FSTL4: variants seen among roughly 807,000 people sequenced by gnomAD.
The protein encoded by FSTL4 is follistatin-related protein 4.
A neutral mutation model predicts 78.2 loss-of-function variants in FSTL4; 28 were observed. The ratio of observed to expected loss-of-function variants is 0.36; its 90% CI spans 0.27 to 0.49. The LOEUF (loss-of-function observed/expected upper bound fraction) is 0.49, where lower values mean the gene tolerates loss of function less well. Among genes scored for constraint, FSTL4 ranks in the 20% least tolerant of loss-of-function variants. The pLI is 0.98. For synonymous variants in FSTL4, 422 were observed against 440.5 expected (o/e 0.96, Z 0.53); for missense variants, 922 against 1,084.9 (o/e 0.85, Z 2.11).
intron 3 of FSTL4, among the ~76,000 whole-genome samples, chr5:133,499,362 A>G (rs966396382): frequency 1.5e-5 from 2 of 131,798 alleles, no homozygotes; most frequent in Admixed American, 8.0e-5. Flanking sequence ...AAGTAACACA[A>G]GGGGAATACA....
At position 133,255,176 on chromosome 5, in the gene FSTL4, C is replaced by T. The variant is rs144247227; in HGVS notation, c.728-5600G>A. Among the ~76,000 whole-genome samples, 5 of 152,308 alleles carry T rather than the reference C, an allele frequency of 3.3e-5. No homozygotes were observed. In the East Asian group the frequency reaches 7.7e-4, roughly 24 times the overall value. ...GTGATCAGGGGTCAGTGAGAGAGGG[C>T]TCAGCCAGACGCTGTGTCTGGGGTG... On this transcript the variant is annotated intron_variant, in intron 6 of 15. Transcript: ENST00000265342.
the FSTL4 span, among the ~76,000 whole-genome samples, chr5:133,809,800 T>C: frequency 3.3e-5 from 5 of 152,246 alleles, no homozygotes; most frequent in East Asian, 7.7e-4. Flanking sequence ...TGACTTCTTC[T>C]TCTGTGTGAG....
chr5:133,205,956 G>C (rs974953827), intron 14 of FSTL4, among the ~76,000 whole-genome samples: 2 of 152,198 alleles, frequency 1.3e-5, no homozygotes, highest in Non-Finnish European at 2.9e-5. Flanking sequence ...CACAAAACAT[G>C]TTTGAGTTTT....
At chr5:133,254,588 CT>C (rs891080832) in intron 6 of FSTL4, among the ~76,000 whole-genome samples, 35 of 152,360 alleles carry the variant, frequency 2.3e-4, no homozygotes, top group East Asian at 1.3e-3. Context: ...TCCCTTCCCC[CT>C]ATCTGCATCA....
Position 133,239,521 on chromosome 5 carries a change from C to T in FSTL4, c.895-5984G>A, listed in dbSNP as rs111896001. On this transcript the variant is annotated intron_variant, in intron 7 of 15. Coordinates refer to ENST00000265342, the MANE Select transcript of FSTL4 (RefSeq NM_015082.2). Reference sequence around the variant, plus strand: ...CTCTAGCTCAAGGTTTGTCAACACACGAATCAGCACCCTGTGTCTAGCTCA... The same window carrying T: ...CTCTAGCTCAAGGTTTGTCAACACATGAATCAGCACCCTGTGTCTAGCTCA... Among the ~76,000 whole-genome samples the T allele has an allele frequency of 4.3e-4, 66 of 152,330 alleles. No individual in the cohort carries two copies. In the East Asian group the frequency reaches 6.2e-3, roughly 14 times the overall value.
At chr5:133,808,239 C>T in the FSTL4 span, among the ~76,000 whole-genome samples, 500 of 152,354 alleles carry the variant, frequency 3.3e-3, 1 homozygote, top group Non-Finnish European at 5.7e-3. Context: ...TCTAACAGAA[C>T]ACAACATGTG....
Position 133,216,576 on chromosome 5 carries a change from C to A in FSTL4, c.1608+653G>T, listed in dbSNP as rs572204770. Among the ~76,000 whole-genome samples, 11 of 152,330 alleles carry A rather than the reference C, an allele frequency of 7.2e-5. No homozygotes were observed. The East Asian group carries it at 1.9e-3, about 27-fold the overall frequency. ...ACATTGGCCAGGCTGGTCTCAAACT[C>A]CTGACCTTAGGTGATCCACCCACCT... On this transcript the variant is annotated intron_variant, in intron 13 of 15. Transcript: ENST00000265342.
intron 4 of FSTL4, among the ~76,000 whole-genome samples, chr5:133,391,288 A>C (rs1176654613): frequency 6.6e-6 from 1 of 152,196 alleles, no homozygotes; most frequent in Non-Finnish European, 1.5e-5. Flanking sequence ...GGAGTCCCAA[A>C]TCAACTTCTT....
chr5:133,294,876 A>G (rs889480839), intron 6 of FSTL4, among the ~76,000 whole-genome samples: 1 of 152,120 alleles, frequency 6.6e-6, no homozygotes, highest in Non-Finnish European at 1.5e-5. Flanking sequence ...CTGGAATGAT[A>G]CTGTTGCACA....
At chr5:133,756,338 A>G in the FSTL4 span, among the ~76,000 whole-genome samples, 1 of 151,868 alleles carries the variant, frequency 6.6e-6, no homozygotes, top group African/African-American at 2.4e-5. Context: ...GGTCCAGTTC[A>G]CATGGAGCCG....
At chr5:133,770,433 A>T in the FSTL4 span, among the ~76,000 whole-genome samples, 2 of 152,092 alleles carry the variant, frequency 1.3e-5, no homozygotes, top group African/African-American at 4.8e-5. Context: ...ATGGTGTAAG[A>T]TGGCGTCTCA....
chr5:133,526,756 G>A (rs1000674221), intron 3 of FSTL4, among the ~76,000 whole-genome samples: 6 of 152,164 alleles, frequency 3.9e-5, no homozygotes, highest in Non-Finnish European at 5.9e-5. Context: ...GGGAGTAGCA[G>A]GAGGAGATGG....
chr5:133,477,800 T>C (rs1428409245), intron 3 of FSTL4, among the ~76,000 whole-genome samples: 4 of 152,230 alleles, frequency 2.6e-5, no homozygotes, highest in Non-Finnish European at 5.9e-5. Context: ...TTTTTTTCTT[T>C]TCCTGAGAAG....
chr5:133,378,030 C>T (rs560364333), intron 4 of FSTL4, among the ~76,000 whole-genome samples: 81 of 152,142 alleles, frequency 5.3e-4, no homozygotes, highest in Admixed American at 1.1e-3. Flanking sequence ...AACAAAGAAT[C>T]GTATATCCAA....
At chr5:133,666,539 T>C in the FSTL4 span, among the ~76,000 whole-genome samples, 1 of 151,622 alleles carries the variant, frequency 6.6e-6, no homozygotes, top group South Asian at 2.1e-4. Context: ...GGTTAAAGGA[T>C]ATTTAAAACG....
intron 3 of FSTL4, among the ~76,000 whole-genome samples, chr5:133,453,353 T>C (rs1358679294): frequency 6.6e-6 from 1 of 152,206 alleles, no homozygotes; most frequent in African/African-American, 2.4e-5. Flanking sequence ...TAATAGCTTT[T>C]CCAAGATCTT....
the FSTL4 span, among the ~76,000 whole-genome samples, chr5:133,833,877 G>T: frequency 1.3e-5 from 2 of 152,088 alleles, no homozygotes; most frequent in Admixed American, 6.5e-5. Context: ...AAACCCTTTT[G>T]GATCTGACTA....
chr5:133,429,218 C>T (rs1756887400), intron 3 of FSTL4, among the ~76,000 whole-genome samples: 2 of 152,066 alleles, frequency 1.3e-5, no homozygotes, highest in African/African-American at 2.4e-5. Flanking sequence ...TCATGAATGC[C>T]GAGGAGCTGC....
At chr5:133,557,932 TG>T (rs987179657) in intron 3 of FSTL4, among the ~76,000 whole-genome samples, 1 of 152,186 alleles carries the variant, frequency 6.6e-6, no homozygotes, top group African/African-American at 2.4e-5. Flanking sequence ...GAGACAGCCA[TG>T]CTTTGGAAAA....
Sources: allele counts gnomAD v4.1 joint callset (sites outside exome capture counted in the v4.1 genomes callset), GRCh38; gene constraint gnomAD v4.1.1; transcripts MANE v1.5; gene names NCBI Gene and HGNC (gene_info 2026-07-23, HGNC 2026-07-21).